Variants in VPS53 observed in about 807,000 individuals in gnomAD.
The protein encoded by VPS53 is vacuolar protein sorting-associated protein 53 homolog.
In VPS53, 70 loss-of-function variants were observed where a neutral mutation model predicts 107.0. The ratio of observed to expected loss-of-function variants is 0.65; its 90% confidence interval spans 0.54 to 0.80. VPS53 has a LOEUF of 0.80. VPS53 is among the 30% of genes least tolerant of loss of function. The probability of loss-of-function intolerance (pLI) is 0.00; values close to 1 mark genes in which losing one functional copy is unlikely to be tolerated. For missense variants in VPS53, 917 were observed against 1,049.4 expected (o/e 0.87, Z 1.74); for synonymous variants, 409 against 393.3 (o/e 1.04, Z -0.47).
At chr17:690,215 G>A (rs150013757) in intron 4 of VPS53, among the ~76,000 whole-genome samples, 2 of 152,330 alleles carry the variant, frequency 1.3e-5, no homozygotes, top group East Asian at 1.9e-4. Flanking sequence ...AAACAATCGA[G>A]CAGAACTAGT....
chr17:624,040 T>C (rs1174042615), intron 10 of VPS53, among the ~76,000 whole-genome samples: 1 of 151,386 alleles, frequency 6.6e-6, no homozygotes, highest in Non-Finnish European at 1.5e-5. Context: ...GTATTTTTAG[T>C]AGAGATAGTG....
At chr17:645,633 T>C (rs999145665) in intron 7 of VPS53, among the ~76,000 whole-genome samples, 4 of 152,254 alleles carry the variant, frequency 2.6e-5, no homozygotes, top group African/African-American at 9.6e-5. Context: ...AGTTTTAGAA[T>C]TAGGTTTTAC....
At position 537,013 on chromosome 17, in the gene VPS53, C is replaced by A. The variant is rs753268054; in HGVS notation, c.2015+15G>T. ...AAGAACAAGAACCCAGAGATGAGCACGCCCCAGGACTTACTTTGCAAATTT... is the reference window on the plus strand; with the variant it reads ...AAGAACAAGAACCCAGAGATGAGCAAGCCCCAGGACTTACTTTGCAAATTT... On this transcript the variant is annotated intron_variant, in intron 18 of 21. Transcript: ENST00000437048. 3 of 1,613,586 alleles carry A rather than the reference C, an allele frequency of 1.9e-6. No individual in the cohort carries two copies. Among genetic ancestry groups the A allele is most frequent in the Non-Finnish European group, 2.5e-6 (3 of 1,179,738 alleles).
chr17:665,248 C>T (rs78591863), intron 4 of VPS53, among the ~76,000 whole-genome samples: 1,630 of 152,232 alleles, frequency 0.011, 35 homozygotes, highest in African/African-American at 0.037. Context: ...CATGGGACGA[C>T]GCAGTGAGAA....
chr17:563,578 G>A (rs566160865), intron 13 of VPS53, among the ~76,000 whole-genome samples: 2 of 152,288 alleles, frequency 1.3e-5, no homozygotes, highest in African/African-American at 4.8e-5. Flanking sequence ...ACAGGTGTGA[G>A]CCACTCACTG....
chr17:558,926 T>C (rs1217720228), intron 15 of VPS53, among the ~76,000 whole-genome samples: 1 of 145,872 alleles, frequency 6.9e-6, no homozygotes, highest in Non-Finnish European at 1.5e-5. Flanking sequence ...ACCTGGGAGG[T>C]GGAGGCTGCA....
intron 12 of VPS53, among the ~76,000 whole-genome samples, chr17:593,622 C>T (rs1967797532): frequency 6.6e-6 from 1 of 152,194 alleles, no homozygotes; most frequent in African/African-American, 2.4e-5. Context: ...CCATTTCACA[C>T]CAGTTAGAAT....
At chr17:626,283 T>A (rs1038865030) in intron 10 of VPS53, among the ~76,000 whole-genome samples, 2 of 151,912 alleles carry the variant, frequency 1.3e-5, no homozygotes, top group African/African-American at 2.4e-5. Flanking sequence ...GGGCTTTGGG[T>A]TTTTTTAATA....
chr17:550,316 T>G (rs1237187458), intron 17 of VPS53, among the ~76,000 whole-genome samples: 1 of 152,188 alleles, frequency 6.6e-6, no homozygotes, highest in African/African-American at 2.4e-5. Context: ...CTAGATAAAT[T>G]GTTTCTCCAG....
intron 19 of VPS53, 59 bp from the exon 20 acceptor site, chr17:521,797 C>T (rs2151794042): frequency 7.2e-7 from 1 of 1,389,254 alleles, no homozygotes. Context: ...GCCGAGTGGA[C>T]TCATGCCGAT....
intron 13 of VPS53, among the ~76,000 whole-genome samples, chr17:570,628 C>CA (rs1185320545): frequency 1.3e-5 from 2 of 152,118 alleles, no homozygotes; most frequent in African/African-American, 4.8e-5. Flanking sequence ...ACCAAAGAGA[C>CA]ATGACAACTA....
intron 13 of VPS53, among the ~76,000 whole-genome samples, chr17:571,024 G>T (rs1913988700): frequency 1.3e-5 from 2 of 152,066 alleles, no homozygotes. Context: ...CAAAGGTTCA[G>T]GAAAAAAGTA....
At chr17:608,318 G>A (rs1262443632) in intron 11 of VPS53, among the ~76,000 whole-genome samples, 1 of 152,118 alleles carries the variant, frequency 6.6e-6, no homozygotes, top group Non-Finnish European at 1.5e-5. Flanking sequence ...GAACAAAGAG[G>A]GAAGCTTGAA....
rs190398850 is a variant in VPS53, at chr17:529,069, G to A, written c.2085+3773C>T. Among the ~76,000 whole-genome samples, 42 of 152,166 alleles carry A rather than the reference G, an allele frequency of 2.8e-4. No individual in the cohort carries two copies. In the East Asian group the frequency reaches 8.1e-3, roughly 29 times the overall value. On this transcript the variant is annotated intron_variant, in intron 19 of 21. Transcript: ENST00000437048. ...CTCTTTGGAATTGATTTTTATATATGGTGTGTGGCAAAGGTCAAGATTTTT... is the reference window on the plus strand; with the variant it reads ...CTCTTTGGAATTGATTTTTATATATAGTGTGTGGCAAAGGTCAAGATTTTT...
chr17:668,006 G>A (rs1228435373), intron 4 of VPS53, among the ~76,000 whole-genome samples: 2 of 152,112 alleles, frequency 1.3e-5, no homozygotes, highest in Non-Finnish European at 2.9e-5. Context: ...CCCCCTCCCT[G>A]GTCCATGGAA....
intron 11 of VPS53, among the ~76,000 whole-genome samples, chr17:622,190 G>T: frequency 6.6e-6 from 1 of 151,832 alleles, no homozygotes; most frequent in East Asian, 1.9e-4. Context: ...CCAGCCTGCT[G>T]ACAGAGCAAG....
intron 4 of VPS53, among the ~76,000 whole-genome samples, chr17:678,022 G>A (rs1398133829): frequency 6.6e-6 from 1 of 152,128 alleles, no homozygotes; most frequent in Non-Finnish European, 1.5e-5. Context: ...TCAGGAGGCT[G>A]AGGTGGGAGG....
In VPS53 at chr17:532,831, G is replaced by A. The variant is rs141390855; in HGVS notation, c.2085+11C>T. The A allele has an allele frequency of 5.3e-5, 85 of 1,613,526 alleles. No homozygotes were observed. Among genetic ancestry groups the A allele is most frequent in the African/African-American group, 3.7e-4 (28 of 74,936 alleles). Reference sequence around the variant, plus strand: ...CTGCCAGGCAAATGCCTGATACTACGTCCATCTCACCTGTTCTGCTCCCAC... The same window carrying A: ...CTGCCAGGCAAATGCCTGATACTACATCCATCTCACCTGTTCTGCTCCCAC... On this transcript the variant is annotated intron_variant, in intron 19 of 21. Transcript: ENST00000437048.
At chr17:558,106 C>T (rs1382617585) in intron 15 of VPS53, among the ~76,000 whole-genome samples, 1 of 152,222 alleles carries the variant, frequency 6.6e-6, no homozygotes. Flanking sequence ...GCGATCCTTC[C>T]ACCTTGGCTT....
Sources: allele counts gnomAD v4.1 joint callset (sites outside exome capture counted in the v4.1 genomes callset), GRCh38; gene constraint gnomAD v4.1.1; transcripts MANE v1.5; gene names NCBI Gene and HGNC (gene_info 2026-07-23, HGNC 2026-07-21).